Variants in CREB5 observed in about 807,000 individuals in gnomAD.
The protein encoded by CREB5 is cyclic AMP-responsive element-binding protein 5.
In CREB5, 19 loss-of-function variants were observed where a neutral mutation model predicts 57.1. That is an observed-to-expected ratio of 0.33 (90% CI 0.23 to 0.49). The LOEUF (loss-of-function observed/expected upper bound fraction) is 0.49, where lower values mean the gene tolerates loss of function less well. Ranked by LOEUF, CREB5 falls within the 20% of genes least tolerant of loss-of-function variation. CREB5 has a pLI of 0.99. For synonymous variants in CREB5, 238 were observed against 238.3 expected (o/e 1.00, Z 0.01); for missense variants, 579 against 671.6 (o/e 0.86, Z 1.52).
intron 1 of CREB5, among the ~76,000 whole-genome samples, chr7:28,317,352 G>A (rs1785402577): frequency 6.6e-6 from 1 of 152,208 alleles, no homozygotes; most frequent in African/African-American, 2.4e-5. Flanking sequence ...GTGACAAAGA[G>A]CAAACAGGCA....
intron 1 of CREB5, among the ~76,000 whole-genome samples, chr7:28,344,957 CATA>C (rs1198332043): frequency 5.3e-5 from 8 of 152,134 alleles, no homozygotes; most frequent in African/African-American, 1.9e-4. Context: ...ATCTAGAAGA[CATA>C]ATAATTGTAA....
intron 5 of CREB5, among the ~76,000 whole-genome samples, chr7:28,582,897 T>C (rs536838794): frequency 1.4e-4 from 22 of 152,280 alleles, no homozygotes; most frequent in African/African-American, 5.1e-4. Flanking sequence ...AGATAACTGA[T>C]GGTTTTTTTA....
intron 1 of CREB5, among the ~76,000 whole-genome samples, chr7:28,304,679 T>C (rs1430623806): frequency 6.6e-6 from 1 of 152,202 alleles, no homozygotes; most frequent in Non-Finnish European, 1.5e-5. Context: ...TATCCAATAA[T>C]TGTGGACTAG....
intron 5 of CREB5, among the ~76,000 whole-genome samples, chr7:28,690,008 A>G (rs142477712): frequency 7.4e-4 from 112 of 151,744 alleles, no homozygotes; most frequent in African/African-American, 2.6e-3. Flanking sequence ...AGTTCTGGCA[A>G]TTGGAGTCCA....
At chr7:28,816,752 A>T (rs746336039) in intron 9 of CREB5, among the ~76,000 whole-genome samples, 17 of 152,236 alleles carry the variant, frequency 1.1e-4, no homozygotes, top group South Asian at 8.3e-4. Flanking sequence ...AGCCAAGTTC[A>T]TATTGAAAGT....
intron 5 of CREB5, among the ~76,000 whole-genome samples, chr7:28,638,518 G>A (rs528541603): frequency 2.0e-5 from 3 of 151,740 alleles, no homozygotes; most frequent in Admixed American, 6.6e-5. Context: ...GGCTTATTTT[G>A]GATTTTTTGG....
At chr7:28,508,716 A>G (rs1214682401) in intron 4 of CREB5, among the ~76,000 whole-genome samples, 1 of 152,158 alleles carries the variant, frequency 6.6e-6, no homozygotes, top group East Asian at 1.9e-4. Context: ...TTCAGGAGAA[A>G]CCATGAAAAT....
chr7:28,340,580 G>C lies in CREB5; in HGVS notation c.-25+41139G>C, dbSNP rs112669904. Among the ~76,000 whole-genome samples, 960 of 152,258 alleles carry C rather than the reference G, an allele frequency of 6.3e-3. 5 individuals are homozygous for C. The highest frequency in any genetic ancestry group is 0.022 in the African/African-American group (905 of 41,548). ...GAAGGAGTCTCTTTTGGAGCTGTGA[G>C]CTGCACTGCCTGGGGTTAGAAGAGG... is the stretch of plus-strand genomic sequence containing the variant. On this transcript the variant is annotated intron_variant, in intron 1 of 9. Coordinates refer to the CREB5 transcript ENST00000396299.
intron 1 of CREB5, among the ~76,000 whole-genome samples, chr7:28,446,987 TCTGACTGG>T (rs1341326359): frequency 1.3e-5 from 2 of 152,174 alleles, no homozygotes; most frequent in Admixed American, 1.3e-4. Flanking sequence ...GGTAGTAGAA[TCTGACTGG>T]CTGAGCTTGG....
intron 7 of CREB5, among the ~76,000 whole-genome samples, chr7:28,784,861 GA>G (rs1438689321): frequency 6.6e-6 from 1 of 152,122 alleles, no homozygotes; most frequent in South Asian, 2.1e-4. Flanking sequence ...GTGGGGAATC[GA>G]AGCGGCTGCT....
At chr7:28,785,873 G>A (rs1006116658) in intron 7 of CREB5, among the ~76,000 whole-genome samples, 1 of 152,154 alleles carries the variant, frequency 6.6e-6, no homozygotes, top group Non-Finnish European at 1.5e-5. Flanking sequence ...TGAACTCCAC[G>A]GGATAGAATC....
chr7:28,776,298 A>C (rs1369939999), intron 7 of CREB5, among the ~76,000 whole-genome samples: 2 of 149,896 alleles, frequency 1.3e-5, no homozygotes, highest in East Asian at 4.0e-4. Flanking sequence ...AGATAGCGCC[A>C]CTGCACTCCC....
chr7:28,300,881 A>G (rs1049284352), intron 1 of CREB5, among the ~76,000 whole-genome samples: 2 of 152,104 alleles, frequency 1.3e-5, no homozygotes, highest in African/African-American at 4.8e-5. Context: ...GACACACAAA[A>G]CCTTGGAACT....
intron 1 of CREB5, among the ~76,000 whole-genome samples, chr7:28,473,055 A>G (rs1790895472): frequency 6.6e-6 from 1 of 152,184 alleles, no homozygotes; most frequent in Admixed American, 6.5e-5. Context: ...AGAGGTAAGC[A>G]TTACCTCCTC....
intron 5 of CREB5, among the ~76,000 whole-genome samples, chr7:28,675,853 G>A (rs952917268): frequency 1.3e-5 from 2 of 152,060 alleles, no homozygotes; most frequent in Admixed American, 6.5e-5. Flanking sequence ...CTCTGGGTTC[G>A]CCTATAAGAA....
Position 28,729,062 on chromosome 7 carries a change from C to G in CREB5, c.702+4730C>G, listed in dbSNP as rs553515133. On this transcript the variant is annotated intron_variant, in intron 7 of 10. Transcript: ENST00000357727. The stretch of plus-strand genomic sequence containing the variant: ...GTATTTTGATCATTTATTGTCAATA[C>G]CTCGTCTATAGTTAGGTTTGCAATT... Among the ~76,000 whole-genome samples, 5 of 152,172 alleles carry G rather than the reference C, an allele frequency of 3.3e-5. No individual in the cohort carries two copies. The South Asian group carries it at 1.0e-3, about 32-fold the overall frequency.
intron 5 of CREB5, among the ~76,000 whole-genome samples, chr7:28,620,170 G>T (rs1455365353): frequency 6.6e-6 from 1 of 152,150 alleles, no homozygotes; most frequent in Non-Finnish European, 1.5e-5. Flanking sequence ...TCGTCTCATA[G>T]ATTCTTCTAG....
intron 7 of CREB5, among the ~76,000 whole-genome samples, chr7:28,780,209 A>G (rs1583726553): frequency 6.6e-6 from 1 of 152,304 alleles, no homozygotes; most frequent in East Asian, 1.9e-4. Flanking sequence ...TAGGCAAGGA[A>G]ACTGCAATGA....
At chr7:28,470,379 T>C (rs542983361) in intron 1 of CREB5, among the ~76,000 whole-genome samples, 2 of 152,330 alleles carry the variant, frequency 1.3e-5, no homozygotes, top group African/African-American at 4.8e-5. Flanking sequence ...TCCATTTTCA[T>C]CCATATTGTT....
Sources: gnomAD v4.1 joint callset for allele counts (sites outside exome capture counted in the v4.1 genomes callset) on GRCh38, gnomAD v4.1.1 for gene constraint, MANE v1.5 for transcripts, NCBI Gene and HGNC (gene_info 2026-07-23, HGNC 2026-07-21) for gene names.